PCOLCE2: variants seen among roughly 807,000 people sequenced by gnomAD.
PCOLCE2 encodes the protein procollagen C-endopeptidase enhancer 2.
Under a neutral mutation model 47.0 loss-of-function variants are expected in PCOLCE2, and 42 were observed. The ratio of observed to expected loss-of-function variants is 0.89; its 90% CI spans 0.70 to 1.16. PCOLCE2 has a LOEUF of 1.16. PCOLCE2 is among the 50% of genes most tolerant of loss of function. The pLI, the probability that PCOLCE2 is intolerant of heterozygous loss-of-function variation, is 0.00. For synonymous variants in PCOLCE2, 169 were observed against 191.7 expected, an observed-to-expected ratio of 0.88 and a Z score of 0.98; for missense variants, 500 against 526.1, an observed-to-expected ratio of 0.95 and a Z score of 0.49.
chr3:142,883,843 T>A (rs561078292), intron 2 of PCOLCE2, among the ~76,000 whole-genome samples: 1 of 152,344 alleles, frequency 6.6e-6, no homozygotes, highest in South Asian at 2.1e-4. Context: ...AATGAATTTA[T>A]AATGAAGCTA....
chr3:142,843,295 T>C (rs1305811342), intron 3 of PCOLCE2: 2 of 552,212 alleles, frequency 3.6e-6, no homozygotes, highest in South Asian at 1.5e-5. Context: ...TCAGGGCCTC[T>C]TTTCTTTTTT....
intron 2 of PCOLCE2, among the ~76,000 whole-genome samples, chr3:142,876,959 T>C (rs990126097): frequency 2.0e-5 from 3 of 152,214 alleles, no homozygotes; most frequent in African/African-American, 7.2e-5. Flanking sequence ...ACAGTGGAAC[T>C]AGCATTTGAA....
intron 7 of PCOLCE2, among the ~76,000 whole-genome samples, chr3:142,822,320 C>T (rs141252326): frequency 1.2e-4 from 19 of 152,070 alleles, no homozygotes; most frequent in African/African-American, 4.1e-4. Flanking sequence ...TCTACCACTC[C>T]CCAGGGGAGC....
chr3:142,827,950 C>T (rs1937104173), intron 6 of PCOLCE2, among the ~76,000 whole-genome samples: 1 of 152,174 alleles, frequency 6.6e-6, no homozygotes, highest in South Asian at 2.1e-4. Context: ...TTCCTGACAC[C>T]TACCTCCCTG....
intron 5 of PCOLCE2, 84 bp downstream of exon 5, chr3:142,838,686 A>C (rs1937230686): frequency 7.9e-7 from 1 of 1,268,250 alleles, no homozygotes; most frequent in African/African-American, 1.5e-5. Flanking sequence ...AAAATCTTCC[A>C]GAAAACAAAT....
At chr3:142,854,773 A>G (rs972700229) in intron 2 of PCOLCE2, among the ~76,000 whole-genome samples, 1 of 152,186 alleles carries the variant, frequency 6.6e-6, no homozygotes, top group Non-Finnish European at 1.5e-5. Flanking sequence ...TAGTTCACAC[A>G]CTTAGTGAAC....
intron 3 of PCOLCE2, among the ~76,000 whole-genome samples, chr3:142,845,805 T>C (rs1047928219): frequency 6.6e-6 from 1 of 152,128 alleles, no homozygotes; most frequent in African/African-American, 2.4e-5. Flanking sequence ...TGAAACACCG[T>C]CTCTACTAAA....
At chr3:142,830,226 G>A (rs1181409880) in intron 5 of PCOLCE2, among the ~76,000 whole-genome samples, 3 of 152,212 alleles carry the variant, frequency 2.0e-5, no homozygotes, top group African/African-American at 7.2e-5. Context: ...GTTGGGACAT[G>A]GCTGGTTTTC....
At chr3:142,846,388 CGG>C (rs1444458938) in intron 3 of PCOLCE2, among the ~76,000 whole-genome samples, 3 of 152,010 alleles carry the variant, frequency 2.0e-5, no homozygotes, top group African/African-American at 7.2e-5. Context: ...TTAGCAGAGA[CGG>C]GGTGTCACCA....
chr3:142,833,401 C>T (rs574576101), intron 5 of PCOLCE2, among the ~76,000 whole-genome samples: 13 of 151,812 alleles, frequency 8.6e-5, no homozygotes, highest in Admixed American at 1.3e-4. Flanking sequence ...AGGCTGGTCT[C>T]GAACTCCTGA....
intron 2 of PCOLCE2, among the ~76,000 whole-genome samples, chr3:142,852,687 TTATG>T (rs1294726849): frequency 6.7e-6 from 1 of 148,930 alleles, no homozygotes; most frequent in Non-Finnish European, 1.5e-5. Flanking sequence ...TTATATATAT[TTATG>T]TATGTGTGTA....
chr3:142,843,084 T>G lies in PCOLCE2; in HGVS notation c.449-36A>C, dbSNP rs1200648772. ...TAAACAAGGAAAAAAGCCCACAAGT[T>G]TATGTAGGTTACAGCAATACAACCA... On this transcript the variant is annotated intron_variant, in intron 3 of 8. Transcript: ENST00000295992. 7 of 1,603,694 alleles carry G rather than the reference T, an allele frequency of 4.4e-6. No individual in the cohort carries two copies. In the East Asian group the frequency reaches 1.6e-4, roughly 36 times the overall value.
intron 2 of PCOLCE2, among the ~76,000 whole-genome samples, chr3:142,860,960 A>C (rs1031878334): frequency 6.6e-6 from 1 of 151,954 alleles, no homozygotes; most frequent in Non-Finnish European, 1.5e-5. Context: ...CTTCTAGGTC[A>C]TTTTCCTTGC....
chr3:142,888,182 C>T (rs1234050993), intron 1 of PCOLCE2, among the ~76,000 whole-genome samples: 4 of 152,154 alleles, frequency 2.6e-5, no homozygotes, highest in African/African-American at 9.7e-5. Flanking sequence ...GTTTGTCGTT[C>T]CCATATTTGG....
At chr3:142,856,397 C>T (rs569696861) in intron 2 of PCOLCE2, among the ~76,000 whole-genome samples, 70 of 152,294 alleles carry the variant, frequency 4.6e-4, no homozygotes, top group Non-Finnish European at 9.3e-4. Flanking sequence ...CCAGCAGCCA[C>T]TAGTACTTCT....
chr3:142,827,738 TAA>T, intron 6 of PCOLCE2: 1 of 769,232 alleles, frequency 1.3e-6, no homozygotes, highest in Non-Finnish European at 2.2e-6. Flanking sequence ...GGGTGACTCT[TAA>T]ATTTAAATCT....
chr3:142,875,925 G>T (rs1933486673), intron 2 of PCOLCE2, among the ~76,000 whole-genome samples: 1 of 152,144 alleles, frequency 6.6e-6, no homozygotes, highest in African/African-American at 2.4e-5. Flanking sequence ...CATGAGCAAG[G>T]CCTTTCCATT....
chr3:142,829,655 A>G (rs1277225420), intron 6 of PCOLCE2, 37 bp downstream of exon 6: 4 of 1,512,506 alleles, frequency 2.6e-6, no homozygotes, highest in African/African-American at 2.8e-5. Context: ...TTATACTCCT[A>G]AAGTTTTTGC....
chr3:142,868,199 G>A (rs1319756095), intron 2 of PCOLCE2, among the ~76,000 whole-genome samples: 2 of 152,120 alleles, frequency 1.3e-5, no homozygotes, highest in African/African-American at 4.8e-5. Flanking sequence ...CTGCTCTCAA[G>A]GAGAGCACTG....
Sources: allele counts gnomAD v4.1 joint callset (sites outside exome capture counted in the v4.1 genomes callset), GRCh38; gene constraint gnomAD v4.1.1; transcripts MANE v1.5; gene names NCBI Gene and HGNC (gene_info 2026-07-23, HGNC 2026-07-21).